The following IQCM variants were observed in gnomAD, a reference collection of about 807,000 sequenced individuals.
The protein encoded by IQCM is IQ motif containing M.
IQCM carries 45 observed loss-of-function variants against 57.6 expected under a neutral mutation model. The ratio of observed to expected loss-of-function variants is 0.78; its 90% CI spans 0.62 to 1.00. IQCM has a LOEUF of 1.00. Ranked by LOEUF, IQCM falls within the 50% of genes least tolerant of loss-of-function variation. The pLI is 0.00. For missense variants in IQCM, 468 were observed against 511.6 expected (o/e 0.91, Z 0.82); for synonymous variants, 148 against 158.9 (o/e 0.93, Z 0.51).
intron 7 of IQCM, among the ~76,000 whole-genome samples, chr4:149,630,675 T>A (rs1287312329): frequency 6.6e-6 from 1 of 152,218 alleles, no homozygotes; most frequent in African/African-American, 2.4e-5. Flanking sequence ...ACATCCCTGA[T>A]GAAAATGAAA....
chr4:149,760,009 C>T (rs958736028), intron 2 of IQCM, among the ~76,000 whole-genome samples: 1 of 102,510 alleles, frequency 9.8e-6, no homozygotes, highest in African/African-American at 4.0e-5. Context: ...AGGTTCTAGA[C>T]AGAAGGAAGG....
chr4:149,415,194 G>A lies in IQCM; in HGVS notation c.1390+18202C>T, dbSNP rs1733657943. ...TAGAGAAGGATAGCCTTGAACATTTGAAGTTTTCAGGTTACCTAGAAAAAT... is the reference window on the plus strand; with the variant it reads ...TAGAGAAGGATAGCCTTGAACATTTAAAGTTTTCAGGTTACCTAGAAAAAT... On this transcript the variant is annotated intron_variant, in intron 13 of 13. Transcript: ENST00000636793. 3.9e-5 allele frequency among the ~76,000 whole-genome samples: 6 copies of A among 152,230 alleles called. No homozygotes were observed. In the South Asian group the frequency reaches 1.2e-3, roughly 32 times the overall value.
intron 13 of IQCM, among the ~76,000 whole-genome samples, chr4:149,425,815 C>T (rs1438587594): frequency 6.6e-6 from 1 of 151,950 alleles, no homozygotes; most frequent in East Asian, 1.9e-4. Context: ...AGCTGTCCAA[C>T]CCTGTTTACC....
chr4:149,518,399 A>C (rs1745216326), intron 12 of IQCM, among the ~76,000 whole-genome samples: 1 of 152,184 alleles, frequency 6.6e-6, no homozygotes. Context: ...ATTTAAGTTT[A>C]TTCCTTTGAG....
chr4:149,742,597 G>C (rs1199317125), intron 3 of IQCM, 58 bp downstream of exon 3: 3 of 992,776 alleles, frequency 3.0e-6, no homozygotes, highest in Non-Finnish European at 3.9e-6. Context: ...AGAAAAGAGT[G>C]GTTAAAACAG....
At chr4:149,766,302 A>G (rs564634067) in intron 2 of IQCM, among the ~76,000 whole-genome samples, 2 of 152,256 alleles carry the variant, frequency 1.3e-5, no homozygotes, top group South Asian at 2.1e-4. Context: ...GTGTTCTTGG[A>G]AAATGTTGCA....
intron 7 of IQCM, among the ~76,000 whole-genome samples, chr4:149,647,294 A>T (rs1385012755): frequency 6.6e-6 from 1 of 152,152 alleles, no homozygotes; most frequent in Non-Finnish European, 1.5e-5. Flanking sequence ...AAATCTTTAA[A>T]GGAAAATTTT....
intron 12 of IQCM, among the ~76,000 whole-genome samples, chr4:149,484,900 C>G (rs985982641): frequency 1.3e-5 from 2 of 152,056 alleles, no homozygotes; most frequent in Admixed American, 6.6e-5. Flanking sequence ...AATCCCTCAG[C>G]TTTTATCTAT....
At chr4:149,759,280 T>C (rs954875293) in intron 2 of IQCM, among the ~76,000 whole-genome samples, 2 of 152,296 alleles carry the variant, frequency 1.3e-5, no homozygotes, top group Admixed American at 6.5e-5. Context: ...GATGAATTAA[T>C]AGAGCACAGC....
intron 12 of IQCM, among the ~76,000 whole-genome samples, chr4:149,515,071 C>CGGGTGTGT (rs1491569152): frequency 7.0e-6 from 1 of 142,794 alleles, no homozygotes; most frequent in African/African-American, 2.6e-5. Flanking sequence ...TATATATACA[C>CGGGTGTGT]GTGTGTGTGT....
At chr4:149,753,394 A>G (rs921140709) in intron 2 of IQCM, among the ~76,000 whole-genome samples, 12 of 152,180 alleles carry the variant, frequency 7.9e-5, no homozygotes, top group African/African-American at 2.7e-4. Context: ...AAATAGAACA[A>G]ATTGGAATCC....
intron 12 of IQCM, among the ~76,000 whole-genome samples, chr4:149,536,389 CT>C (rs1207929607): frequency 1.3e-5 from 2 of 152,138 alleles, no homozygotes; most frequent in East Asian, 3.9e-4. Context: ...CCCCTATTCA[CT>C]GTTACCAGCT....
intron 13 of IQCM, among the ~76,000 whole-genome samples, chr4:149,368,715 C>T (rs552473087): frequency 1.4e-5 from 2 of 142,286 alleles, no homozygotes; most frequent in East Asian, 4.1e-4. Context: ...AAGTTAAAGA[C>T]ATTAGAGTCA....
intron 5 of IQCM, among the ~76,000 whole-genome samples, chr4:149,730,235 A>T (rs953659876): frequency 6.6e-6 from 1 of 151,892 alleles, no homozygotes; most frequent in African/African-American, 2.4e-5. Flanking sequence ...AGTTTAAATA[A>T]CTCTACCTTT....
chr4:149,548,327 C>T (rs977257843), intron 12 of IQCM, 128 bp downstream of exon 12: 40 of 738,788 alleles, frequency 5.4e-5, no homozygotes, highest in Admixed American at 1.7e-4. Flanking sequence ...AGCACTTACA[C>T]AAAAAGTTTA....
chr4:149,753,942 A>C (rs539890251), intron 2 of IQCM, among the ~76,000 whole-genome samples: 1 of 152,218 alleles, frequency 6.6e-6, no homozygotes, highest in African/African-American at 2.4e-5. Context: ...ATCCACACCC[A>C]GACACTTCCT....
In IQCM at chr4:149,585,834, T is replaced by G. The variant is rs527330016; in HGVS notation, c.749+2096A>C. ...GGACCTTGAAGAAGTCACTAAATCT[T>G]TTTTATCCCAATTTTCCTAATTGGA... On this transcript the variant is annotated intron_variant, in intron 9 of 13. Coordinates refer to ENST00000636793, the MANE Select transcript of IQCM (RefSeq NM_001363507.2). Among the ~76,000 whole-genome samples, 8 of 151,784 alleles carry G rather than the reference T, an allele frequency of 5.3e-5. No homozygotes were observed. In the East Asian group the frequency reaches 1.6e-3, roughly 30 times the overall value.
intron 12 of IQCM, among the ~76,000 whole-genome samples, chr4:149,487,883 A>T (rs2149768236): frequency 6.6e-6 from 1 of 152,178 alleles, no homozygotes; most frequent in African/African-American, 2.4e-5. Flanking sequence ...TTTTAGTGAT[A>T]TGAAATTAAA....
intron 2 of IQCM, among the ~76,000 whole-genome samples, chr4:149,804,683 T>C (rs1242853765): frequency 2.0e-5 from 3 of 152,106 alleles, no homozygotes; most frequent in African/African-American, 7.2e-5. Context: ...TATTAATAGT[T>C]GCATTAAAAT....
Sources: gnomAD v4.1 joint callset for allele counts (sites outside exome capture counted in the v4.1 genomes callset) on GRCh38, gnomAD v4.1.1 for gene constraint, MANE v1.5 for transcripts, NCBI Gene and HGNC (gene_info 2026-07-23, HGNC 2026-07-21) for gene names.